Variants in ATRN observed in about 807,000 individuals in gnomAD.
ATRN encodes the protein attractin-2.
ATRN carries 54 observed loss-of-function variants against 178.7 expected under a neutral mutation model. That is an observed-to-expected ratio of 0.30 (90% confidence interval 0.24 to 0.38). The LOEUF is 0.38. ATRN is among the 10% of genes least tolerant of loss of function. ATRN has a pLI of 1.00. For missense variants in ATRN, 1,443 were observed against 1,815.1 expected (o/e 0.79, Z 3.73); for synonymous variants, 636 against 663.0 (o/e 0.96, Z 0.63).
intron 6 of ATRN, among the ~76,000 whole-genome samples, chr20:3,552,428 G>C (rs2085802375): frequency 1.9e-5 from 1 of 51,438 alleles, no homozygotes; most frequent in Non-Finnish European, 4.1e-5. Context: ...TCTTCCCCCA[G>C]ATGTCCCCCC....
At position 3,562,429 on chromosome 20, in the gene ATRN, T is replaced by C; in HGVS notation, c.1601T>C (p.Leu534Pro). The change falls in exon 9 of 29, where the codon CTC (leucine) becomes CCC (proline). Residue 534 changes from leucine (L) to proline (P), a missense_variant. Physicochemically the swap from Leu to Pro is moderately conservative, Grantham distance 98. Transcript: ENST00000262919. Reference sequence around the variant, plus strand: ...AATAAGTACCGGCTTGCAGATGATCTCTACCGATATGATGTGGATACCCAG... The same window carrying C: ...AATAAGTACCGGCTTGCAGATGATCCCTACCGATATGATGTGGATACCCAG... ...SANKYRLADDLYRYDVDTQMW... is the reference protein window; with the variant it reads ...SANKYRLADDPYRYDVDTQMW... 1 of 1,614,198 alleles carries C rather than the reference T, an allele frequency of 6.2e-7. No homozygotes were observed. Among genetic ancestry groups the C allele is most frequent in the Non-Finnish European group, 8.5e-7 (1 of 1,180,020 alleles).
intron 12 of ATRN, among the ~76,000 whole-genome samples, chr20:3,575,247 C>A (rs1444672192): frequency 2.0e-5 from 3 of 152,198 alleles, no homozygotes; most frequent in Non-Finnish European, 4.4e-5. Flanking sequence ...CAGGCATGAG[C>A]CACCGCATCC....
chr20:3,596,275 T>A, intron 20 of ATRN, 102 bp from the exon 21 acceptor site: 1 of 1,229,464 alleles, frequency 8.1e-7, no homozygotes, highest in Non-Finnish European at 1.2e-6. Context: ...TTATAATGGC[T>A]CCAGACTATC....
intron 24 of ATRN, among the ~76,000 whole-genome samples, chr20:3,614,297 C>T (rs2086808800): frequency 6.6e-6 from 1 of 151,998 alleles, no homozygotes; most frequent in South Asian, 2.1e-4. Context: ...AGTTTGGGGG[C>T]GTGGGCGGTA....
intron 1 of ATRN, chr20:3,489,662 C>A (rs2084755353): frequency 6.5e-7 from 1 of 1,534,774 alleles, no homozygotes; most frequent in South Asian, 1.1e-5. Flanking sequence ...ATTTGGCCCA[C>A]AAGGAGACAG....
chr20:3,531,084 G>A (rs540657081), intron 1 of ATRN, among the ~76,000 whole-genome samples: 2 of 152,302 alleles, frequency 1.3e-5, no homozygotes, highest in East Asian at 3.9e-4. Flanking sequence ...CCCACACCTA[G>A]ATTATCAATG....
intron 24 of ATRN, among the ~76,000 whole-genome samples, chr20:3,614,130 T>G (rs1404925605): frequency 6.6e-6 from 1 of 152,176 alleles, no homozygotes; most frequent in African/African-American, 2.4e-5. Context: ...AAGTCCTGTT[T>G]CTGGGAGGGT....
intron 1 of ATRN, among the ~76,000 whole-genome samples, chr20:3,501,471 A>G (rs752842814): frequency 5.3e-5 from 8 of 152,216 alleles, no homozygotes; most frequent in Admixed American, 2.0e-4. Context: ...CAAGAATGCT[A>G]TAAGATGATC....
At chr20:3,491,157 T>A (rs188628020) in intron 1 of ATRN, among the ~76,000 whole-genome samples, 6,009 of 152,018 alleles carry the variant, frequency 0.04, 154 homozygotes, top group Non-Finnish European at 0.057. Context: ...GGGAAAAAAA[T>A]CAAAAAAAAC....
chr20:3,536,973 T>C (rs189968696), intron 2 of ATRN, among the ~76,000 whole-genome samples: 65 of 152,340 alleles, frequency 4.3e-4, no homozygotes, highest in Admixed American at 7.2e-4. Flanking sequence ...CTTGTTAAAT[T>C]AAAATCCATT....
At chr20:3,635,888 C>T (rs573473730) in intron 26 of ATRN, among the ~76,000 whole-genome samples, 60 of 151,912 alleles carry the variant, frequency 3.9e-4, no homozygotes, top group African/African-American at 1.4e-3. Flanking sequence ...ACTTTAAAAG[C>T]CTAATGAATT....
rs781330794 is a variant in ATRN, at chr20:3,560,892, G to A, written c.1434G>A (p.Gln478=). 8 of 1,613,882 alleles carry A rather than the reference G, an allele frequency of 5.0e-6. No homozygotes were observed. Among genetic ancestry groups the A allele is most frequent in the Non-Finnish European group, 6.8e-6 (8 of 1,179,904 alleles). The part of the protein sequence containing the change: ...CPLYGYISNV[Q]EYDLDKNTWS... ...TCTATGGATATATAAGCAATGTGCA[G>A]GAATATGATTTGGGTAGGTATATTT... Residue 478 remains glutamine, a synonymous_variant, in exon 8 of 29, where the codon CAG becomes CAA. Coordinates refer to ENST00000262919, the MANE Select transcript of ATRN (RefSeq NM_139321.3).
At chr20:3,502,099 A>G (rs2084972539) in intron 1 of ATRN, among the ~76,000 whole-genome samples, 1 of 152,208 alleles carries the variant, frequency 6.6e-6, no homozygotes, top group African/African-American at 2.4e-5. Context: ...CATTGCCTCA[A>G]GTTATTATTA....
At chr20:3,525,161 CAA>C (rs1788831979) in intron 1 of ATRN, among the ~76,000 whole-genome samples, 1 of 151,618 alleles carries the variant, frequency 6.6e-6, no homozygotes, top group Non-Finnish European at 1.5e-5. Flanking sequence ...GCTTGACTAA[CAA>C]AGAAGAAAAG....
chr20:3,471,052 C>G lies in ATRN; in HGVS notation c.-56C>G, dbSNP rs906411442. ...CCCCGCACGGCCAGGCGAAGCGGAG[C>G]CGGCCGTGCGGTGTGTGTGTATGTG... is the stretch of plus-strand genomic sequence containing the variant. On this transcript the variant is annotated 5_prime_UTR_variant, in exon 1 of 29. Transcript: ENST00000262919. The G allele has an allele frequency of 4.8e-6, 7 of 1,448,304 alleles. No individual in the cohort carries two copies. The highest frequency in any genetic ancestry group is 6.3e-6 in the Non-Finnish European group (7 of 1,106,826). 89.7% of individuals were successfully genotyped at this position (1,448,304 alleles called of 1,614,324 possible). A position where few individuals can be genotyped will look rare whatever the true frequency, so the allele number is the denominator to read the frequency against.
intron 1 of ATRN, among the ~76,000 whole-genome samples, chr20:3,497,781 C>T (rs549670981): frequency 2.2e-4 from 33 of 152,252 alleles, no homozygotes; most frequent in Admixed American, 1.3e-3. Flanking sequence ...CCATTCTCCC[C>T]GTCACTTTCA....
chr20:3,486,891 C>A (rs576817343), intron 1 of ATRN, among the ~76,000 whole-genome samples: 1 of 152,260 alleles, frequency 6.6e-6, no homozygotes, highest in Admixed American at 6.5e-5. Flanking sequence ...CAGGTATTAT[C>A]TTTTGAAAGC....
Position 3,471,069 on chromosome 20 carries a change from G to A in ATRN, c.-39G>A. 6.7e-7 allele frequency: 1 copy of A among 1,499,668 alleles called. No individual in the cohort carries two copies. The highest frequency in any genetic ancestry group is 1.2e-5 in the South Asian group (1 of 81,120). 92.9% of individuals were successfully genotyped at this position (1,499,668 alleles called of 1,614,324 possible). On this transcript the variant is annotated 5_prime_UTR_variant, in exon 1 of 29. In the 5' UTR this introduces an upstream ATG that the reference lacks. Coordinates refer to ENST00000262919, the MANE Select transcript of ATRN (RefSeq NM_139321.3). ...AAGCGGAGCCGGCCGTGCGGTGTGT[G>A]TGTATGTGTTCGCGGGGCGCCGTCT... is the stretch of plus-strand genomic sequence containing the variant.
intron 8 of ATRN, 91 bp downstream of exon 8, chr20:3,560,996 A>G (rs1434782212): frequency 2.8e-6 from 4 of 1,452,890 alleles, no homozygotes; most frequent in Non-Finnish European, 2.8e-6. Flanking sequence ...AGTTCAACCT[A>G]ATCTTGATTC....
Sources: allele counts gnomAD v4.1 joint callset (sites outside exome capture counted in the v4.1 genomes callset), GRCh38; gene constraint gnomAD v4.1.1; transcripts MANE v1.5; gene names NCBI Gene and HGNC (gene_info 2026-07-23, HGNC 2026-07-21).